TYW1B: variants seen among roughly 807,000 people sequenced by gnomAD.
The protein encoded by TYW1B is S-adenosyl-L-methionine-dependent tRNA 4-demethylwyosine synthase TYW1B.
A neutral mutation model predicts 86.9 loss-of-function variants in TYW1B; 73 were observed. The observed-to-expected ratio is 0.84, with a 90% CI of 0.70 to 1.02. The LOEUF is 1.02. Among genes scored for constraint, TYW1B ranks in the 50% least tolerant of loss-of-function variants. The pLI is 0.00. For missense variants in TYW1B, 637 were observed against 827.4 expected (o/e 0.77, Z 2.82); for synonymous variants, 248 against 292.8 (o/e 0.85, Z 1.56).
At chr7:72,696,482 C>A (rs782754530) in intron 10 of TYW1B, among the ~76,000 whole-genome samples, 26 of 152,244 alleles carry the variant, frequency 1.7e-4, no homozygotes, top group Admixed American at 3.3e-4. Context: ...ATGAAAATAT[C>A]ATTCACATTC....
intron 11 of TYW1B, among the ~76,000 whole-genome samples, chr7:72,630,427 C>T (rs1812453291): frequency 6.6e-6 from 1 of 151,760 alleles, no homozygotes; most frequent in African/African-American, 2.4e-5. Context: ...TTACATGCAT[C>T]TGTAGCAAAT....
chr7:72,695,895 C>G (rs1183223192), intron 10 of TYW1B, among the ~76,000 whole-genome samples: 5 of 152,044 alleles, frequency 3.3e-5, no homozygotes, highest in Non-Finnish European at 2.9e-5. Context: ...TGCACCCGAC[C>G]CTACTAGATT....
At chr7:72,815,090 A>G (rs1165830639) in intron 3 of TYW1B, among the ~76,000 whole-genome samples, 3 of 150,116 alleles carry the variant, frequency 2.0e-5, no homozygotes, top group Non-Finnish European at 4.5e-5. Flanking sequence ...AAAAAAAAAA[A>G]GAAAATTGTG....
chr7:72,706,458 T>C (rs1285418151), intron 10 of TYW1B, among the ~76,000 whole-genome samples: 1 of 133,496 alleles, frequency 7.5e-6, no homozygotes, highest in Non-Finnish European at 1.6e-5. Context: ...AAAAAAAGAA[T>C]ATTCTCTCCT....
intron 2 of TYW1B, among the ~76,000 whole-genome samples, chr7:72,820,965 C>T (rs1442254909): frequency 6.6e-6 from 1 of 152,040 alleles, no homozygotes; most frequent in Non-Finnish European, 1.5e-5. Flanking sequence ...AATTCGCACA[C>T]TTAGATTTTT....
At chr7:72,604,929 T>C (rs1169979519) in intron 13 of TYW1B, among the ~76,000 whole-genome samples, 1 of 152,170 alleles carries the variant, frequency 6.6e-6, no homozygotes, top group Non-Finnish European at 1.5e-5. Flanking sequence ...CACCCTTCTA[T>C]TACGTTGGTG....
At chr7:72,644,755 CA>C (rs1429636855) in intron 11 of TYW1B, among the ~76,000 whole-genome samples, 9 of 146,080 alleles carry the variant, frequency 6.2e-5, no homozygotes, top group African/African-American at 2.3e-4. Flanking sequence ...TTACAGACTT[CA>C]AAATGTGAAA....
At chr7:72,594,341 T>TAA (rs58495459) in intron 13 of TYW1B, among the ~76,000 whole-genome samples, 2 of 140,762 alleles carry the variant, frequency 1.4e-5, no homozygotes, top group African/African-American at 2.6e-5. Flanking sequence ...AATTCTGCAT[T>TAA]AAAAAAAAAA....
chr7:72,698,146 G>T (rs527957518), intron 10 of TYW1B, among the ~76,000 whole-genome samples: 1 of 152,240 alleles, frequency 6.6e-6, no homozygotes, highest in African/African-American at 2.4e-5. Flanking sequence ...AATAGCTCAG[G>T]AGGAAGAGAG....
chr7:72,811,082 T>A (rs1202549985), intron 3 of TYW1B, among the ~76,000 whole-genome samples: 1 of 151,646 alleles, frequency 6.6e-6, no homozygotes, highest in South Asian at 2.1e-4. Context: ...CCATCCTGGC[T>A]AACACGGTGA....
chr7:72,624,526 C>T (rs2960927), intron 12 of TYW1B, among the ~76,000 whole-genome samples: 1 of 152,010 alleles, frequency 6.6e-6, no homozygotes, highest in South Asian at 2.1e-4. Context: ...GCAGTATGCT[C>T]TATTCTGTAA....
intron 6 of TYW1B, among the ~76,000 whole-genome samples, chr7:72,798,872 T>C (rs533633654): frequency 6.6e-6 from 1 of 152,338 alleles, no homozygotes; most frequent in Admixed American, 6.5e-5. Flanking sequence ...TTATTATGAG[T>C]AAAGTTAAGC....
chr7:72,651,736 C>A (rs1182461167), intron 11 of TYW1B, among the ~76,000 whole-genome samples: 2 of 152,000 alleles, frequency 1.3e-5, no homozygotes, highest in African/African-American at 4.8e-5. Flanking sequence ...TAAAAAATCA[C>A]AAACATCTCA....
intron 3 of TYW1B, among the ~76,000 whole-genome samples, chr7:72,811,083 A>G (rs1788606121): frequency 1.3e-5 from 2 of 151,896 alleles, no homozygotes; most frequent in Non-Finnish European, 2.9e-5. Flanking sequence ...CATCCTGGCT[A>G]ACACGGTGAA....
At chr7:72,669,619 AGGCATGGT>A (rs1181580241) in intron 11 of TYW1B, among the ~76,000 whole-genome samples, 1 of 151,900 alleles carries the variant, frequency 6.6e-6, no homozygotes, top group African/African-American at 2.4e-5. Context: ...AAAATCAGCC[AGGCATGGT>A]GGCATGGTGG....
At chr7:72,758,956 C>CTCTTTTCCCATGCT (rs1432138173) in intron 7 of TYW1B, among the ~76,000 whole-genome samples, 1 of 152,152 alleles carries the variant, frequency 6.6e-6, no homozygotes, top group Non-Finnish European at 1.5e-5. Flanking sequence ...TTTGGTTTGA[C>CTCTTTTCCCATGCT]TCTTTTCCCA....
chr7:72,717,407 C>T (rs1186514653), intron 9 of TYW1B, among the ~76,000 whole-genome samples: 2 of 152,080 alleles, frequency 1.3e-5, no homozygotes, highest in African/African-American at 4.8e-5. Flanking sequence ...AAACAACAGG[C>T]CTTGATCCCC....
intron 5 of TYW1B, among the ~76,000 whole-genome samples, chr7:72,805,467 C>T (rs1470788629): frequency 6.6e-6 from 1 of 151,550 alleles, no homozygotes; most frequent in African/African-American, 2.4e-5. Flanking sequence ...GACAAATTAG[C>T]TAGGCATGGT....
intron 6 of TYW1B, among the ~76,000 whole-genome samples, chr7:72,800,707 C>CAAAAAAAAAAAAAAAAAAAA (rs60686482): frequency 7.8e-6 from 1 of 127,960 alleles, no homozygotes; most frequent in Non-Finnish European, 1.6e-5. Context: ...CTCGAAAAGT[C>CAAAAAAAAAAAAAAAAAAAA]AAAAAAAAAA....
Sources: gnomAD v4.1 joint callset for allele counts (sites outside exome capture counted in the v4.1 genomes callset) on GRCh38, gnomAD v4.1.1 for gene constraint, MANE v1.5 for transcripts, NCBI Gene and HGNC (gene_info 2026-07-23, HGNC 2026-07-21) for gene names.